Variants in GALC observed in about 807,000 individuals in gnomAD.
GALC encodes galactocerebrosidase.
Under a neutral mutation model 91.8 loss-of-function variants are expected in GALC, and 77 were observed. The observed-to-expected ratio is 0.84, with a 90% CI of 0.70 to 1.01. The LOEUF (loss-of-function observed/expected upper bound fraction) is 1.01, where lower values mean the gene tolerates loss of function less well. GALC is among the 50% of genes least tolerant of loss of function. The pLI is 0.00. For synonymous variants in GALC, 357 were observed against 306.7 expected (o/e 1.16, Z -1.71); for missense variants, 882 against 855.9 (o/e 1.03, Z -0.38).
chr14:87,956,622 C>CCCAT (rs1555380451), intron 10 of GALC, among the ~76,000 whole-genome samples: 1 of 145,796 alleles, frequency 6.9e-6, no homozygotes, highest in African/African-American at 2.5e-5. Context: ...ACACACACAC[C>CCCAT]ATATATATAT....
intron 6 of GALC, among the ~76,000 whole-genome samples, chr14:87,977,632 G>A (rs78686014): frequency 0.11 from 17,215 of 152,158 alleles, 1,146 homozygotes; most frequent in Non-Finnish European, 0.16. Flanking sequence ...CCAAGGACTC[G>A]GAAATCTCTG....
Position 87,974,890 on chromosome 14 carries a change from T to TA in GALC, c.752+1467dup, listed in dbSNP as rs58043547. ...CATTACATTAAAATACCTATATCAA[T>TA]AAAAAATGAAGTACATATCCAAGTC... On this transcript the variant is annotated intron_variant, in intron 7 of 16. Transcript: ENST00000261304. Among the ~76,000 whole-genome samples the TA allele has an allele frequency of 4.6e-4, 70 of 151,926 alleles. 1 individual carries two copies. In the East Asian group the frequency reaches 0.012, roughly 26 times the overall value.
upstream of GALC, chr14:87,993,301 G>C (rs913091021): frequency 1.3e-5 from 20 of 1,537,492 alleles, no homozygotes; most frequent in African/African-American, 2.5e-4. Flanking sequence ...CGCAGCTGGC[G>C]GAGTGTTGAG....
upstream of GALC, chr14:87,993,442 C>A: frequency 6.5e-7 from 1 of 1,535,830 alleles, no homozygotes; most frequent in Non-Finnish European, 8.7e-7. Flanking sequence ...AGGTGGATTC[C>A]AAGGTCCGCC....
intron 10 of GALC, among the ~76,000 whole-genome samples, chr14:87,960,165 G>A (rs557647706): frequency 3.3e-5 from 5 of 151,644 alleles, no homozygotes; most frequent in Non-Finnish European, 7.4e-5. Flanking sequence ...GGAAGAGGTC[G>A]GTCAACGGGT....
intron 10 of GALC, among the ~76,000 whole-genome samples, chr14:87,957,750 A>T (rs973724227): frequency 2.6e-5 from 4 of 152,166 alleles, no homozygotes; most frequent in Admixed American, 6.5e-5. Context: ...CCAATAACTC[A>T]ATCTCTTTTA....
At chr14:87,934,978 T>C (rs1170985915) in intron 16 of GALC, 100 bp from the exon 17 acceptor site, 2 of 828,498 alleles carry the variant, frequency 2.4e-6, no homozygotes, top group Non-Finnish European at 4.1e-6. Flanking sequence ...GGAGCAAATG[T>C]ACTACTCACT....
At chr14:87,992,263 G>A in intron 1 of GALC, 2 of 1,531,484 alleles carry the variant, frequency 1.3e-6, no homozygotes, top group South Asian at 1.2e-5. Context: ...AGCCCTAGAT[G>A]TAATTTCGGA....
At chr14:87,976,251 C>T in intron 7 of GALC, 107 bp downstream of exon 7, 1 of 1,186,246 alleles carries the variant, frequency 8.4e-7, no homozygotes, top group Non-Finnish European at 1.2e-6. Flanking sequence ...TACAGGAGAG[C>T]TACCTTCTGA....
At position 87,934,789 on chromosome 14, in the gene GALC, T is replaced by G. The variant is rs769902280; in HGVS notation, c.2001A>C (p.Gly667=). ...ACTGTGCAAATTCAAAGGAGTGAGT[T>G]CCAATTGCAGCCCAGCCATTCTTTG... ...NFPKNGWAAI[G]THSFEFAQFD... is the part of the protein sequence containing the mutation. The change falls in exon 17 of 17, where the codon GGA becomes GGC. Residue 667 remains glycine, a synonymous_variant. Coordinates refer to ENST00000261304, the MANE Select transcript of GALC (RefSeq NM_000153.4). 27 of 1,612,940 alleles carry G rather than the reference T, an allele frequency of 1.7e-5. No individual in the cohort carries two copies. Among genetic ancestry groups the G allele is most frequent in the Non-Finnish European group, 2.2e-5 (26 of 1,179,324 alleles).
intron 14 of GALC, 136 bp downstream of exon 14, chr14:87,945,417 A>T: frequency 4.1e-6 from 3 of 734,386 alleles, no homozygotes; most frequent in Non-Finnish European, 7.2e-6. Context: ...CTATTCAACA[A>T]CCCTTAATAT....
rs1292957290 is a variant in GALC, at chr14:87,992,979, G to A, written c.186C>T (p.Ser62=). Reference sequence around the variant, plus strand: ...GCAGCTTGCCGCTCACCCCGCCGCCGCTGACCGCGCCGATGCCGTCGAACT... The same window carrying A: ...GCAGCTTGCCGCTCACCCCGCCGCCACTGACCGCGCCGATGCCGTCGAACT... The part of the protein sequence containing the change: ...GREFDGIGAV[S]GGGATSRLLV... Residue 62 remains serine (S), a synonymous_variant, in exon 1 of 17, where the codon AGC becomes AGT. Coordinates refer to ENST00000261304, the MANE Select transcript of GALC (RefSeq NM_000153.4). 6.6e-7 allele frequency: 1 copy of A among 1,524,678 alleles called. No individual in the cohort carries two copies. Among genetic ancestry groups the A allele is most frequent in the Non-Finnish European group, 8.7e-7 (1 of 1,145,206 alleles). 94.4% of individuals were successfully genotyped at this position (1,524,678 alleles called of 1,614,324 possible). A position where few individuals can be genotyped will look rare whatever the true frequency, so the allele number is the denominator to read the frequency against.
At chr14:87,945,488 A>C (rs1797580166) in intron 14 of GALC, 65 bp downstream of exon 14, 5 of 1,226,682 alleles carry the variant, frequency 4.1e-6, no homozygotes, top group Non-Finnish European at 3.6e-6. Flanking sequence ...TCTTCACTTC[A>C]AAATGTACCT....
intron 7 of GALC, among the ~76,000 whole-genome samples, chr14:87,970,669 G>A (rs1325026523): frequency 6.6e-6 from 1 of 150,530 alleles, no homozygotes; most frequent in South Asian, 2.1e-4. Context: ...GACCATCCTG[G>A]CTAACATGGT....
intron 5 of GALC, 121 bp downstream of exon 5, chr14:87,984,273 A>G: frequency 5.3e-6 from 5 of 943,928 alleles, no homozygotes; most frequent in Non-Finnish European, 8.0e-6. Flanking sequence ...ATCAGACACC[A>G]TTAGAACAAA....
intron 7 of GALC, among the ~76,000 whole-genome samples, chr14:87,973,908 T>C (rs1432906961): frequency 6.6e-6 from 1 of 152,178 alleles, no homozygotes; most frequent in East Asian, 1.9e-4. Flanking sequence ...AAAATTATTC[T>C]CAGTTGAAAA....
rs72629374 is a variant in GALC at position 87,973,075 on chromosome 14, A to G, written c.752+3283T>C. Among the ~76,000 whole-genome samples, 1,536 of 152,258 alleles carry G rather than the reference A, an allele frequency of 0.01. 60 individuals are homozygous for G. In the East Asian group the frequency reaches 0.12, roughly 12 times the overall value. On this transcript the variant is annotated intron_variant, in intron 7 of 16. Transcript: ENST00000261304. ...AATATCTCTGGAGTCAAAATTCTCA[A>G]TAGCAACATTTTATGTAAATAACTA... is the stretch of plus-strand genomic sequence containing the variant.
At chr14:87,936,916 A>ATATATATATATATATATATT (rs1431339979) in intron 16 of GALC, among the ~76,000 whole-genome samples, 4 of 139,556 alleles carry the variant, frequency 2.9e-5, no homozygotes, top group African/African-American at 1.1e-4. Context: ...ATATATATTT[A>ATATATATATATATATATATT]TTTATTTTCT....
At chr14:87,991,718 G>A (rs1410192079) in intron 1 of GALC, among the ~76,000 whole-genome samples, 1 of 152,164 alleles carries the variant, frequency 6.6e-6, no homozygotes, top group African/African-American at 2.4e-5. Context: ...ACTAATAATT[G>A]TATATTCTAT....
Sources: allele counts gnomAD v4.1 joint callset (sites outside exome capture counted in the v4.1 genomes callset), GRCh38; gene constraint gnomAD v4.1.1; transcripts MANE v1.5; gene names NCBI Gene and HGNC (gene_info 2026-07-23, HGNC 2026-07-21).